ARHGAP26: variants seen among roughly 807,000 people sequenced by gnomAD.
The protein encoded by ARHGAP26 is rho GTPase-activating protein 26.
A neutral mutation model predicts 104.8 loss-of-function variants in ARHGAP26; 38 were observed. That is an observed-to-expected ratio of 0.36 (90% CI 0.28 to 0.48). ARHGAP26 has a LOEUF of 0.48. ARHGAP26 is among the 20% of genes least tolerant of loss of function. The pLI is 0.99. For missense variants in ARHGAP26, 704 were observed against 947.9 expected, an observed-to-expected ratio of 0.74 and a Z score of 3.38; for synonymous variants, 341 against 340.0, an observed-to-expected ratio of 1.00 and a Z score of -0.03.
At chr5:143,212,339 T>G (rs1809592214) in intron 21 of ARHGAP26, among the ~76,000 whole-genome samples, 1 of 141,082 alleles carries the variant, frequency 7.1e-6, no homozygotes, top group Non-Finnish European at 1.5e-5. Flanking sequence ...TCCTGTCTGC[T>G]TCCCAGCCTC....
intron 1 of ARHGAP26, among the ~76,000 whole-genome samples, chr5:142,870,184 C>A (rs553634356): frequency 6.6e-5 from 10 of 152,338 alleles, no homozygotes; most frequent in African/African-American, 2.2e-4. Context: ...ATGCACCCAG[C>A]ACCAGTGCCA....
At chr5:143,067,613 A>C (rs1787685810) in intron 17 of ARHGAP26, among the ~76,000 whole-genome samples, 1 of 152,102 alleles carries the variant, frequency 6.6e-6, no homozygotes, top group Non-Finnish European at 1.5e-5. Context: ...TCGTGTTTCC[A>C]ATTTGGTATT....
intron 17 of ARHGAP26, among the ~76,000 whole-genome samples, chr5:143,084,631 C>G (rs538220124): frequency 1.3e-5 from 2 of 152,354 alleles, no homozygotes; most frequent in Admixed American, 1.3e-4. Flanking sequence ...GACACTGCTT[C>G]CTCTCCAGCC....
Position 142,851,701 on chromosome 5 carries a change from A to C in ARHGAP26, c.155-21699A>C, listed in dbSNP as rs181117918. On this transcript the variant is annotated intron_variant, in intron 1 of 22. Transcript: ENST00000645722. ...GGCCGCCCCCTCCCTCCCGTTTTACACTGGTCTCACCACCCCTGCCCTTTC... is the reference window on the plus strand; with the variant it reads ...GGCCGCCCCCTCCCTCCCGTTTTACCCTGGTCTCACCACCCCTGCCCTTTC... 1.2e-3 allele frequency among the ~76,000 whole-genome samples: 185 copies of C among 152,192 alleles called. 1 individual carries two copies. The highest frequency in any genetic ancestry group is 4.3e-3 in the African/African-American group (178 of 41,512).
At chr5:142,989,475 A>G (rs1348875720) in intron 11 of ARHGAP26, among the ~76,000 whole-genome samples, 1 of 152,168 alleles carries the variant, frequency 6.6e-6, no homozygotes, top group Non-Finnish European at 1.5e-5. Flanking sequence ...GCCCATTTAC[A>G]TTTAAGGTTA....
At chr5:142,823,962 G>T (rs1202071442) in intron 1 of ARHGAP26, among the ~76,000 whole-genome samples, 1 of 152,156 alleles carries the variant, frequency 6.6e-6, no homozygotes, top group Non-Finnish European at 1.5e-5. Flanking sequence ...GTGGTTTATA[G>T]ACAAATAACA....
At chr5:142,902,995 A>G (rs1005665619) in intron 7 of ARHGAP26, among the ~76,000 whole-genome samples, 4 of 152,132 alleles carry the variant, frequency 2.6e-5, no homozygotes, top group Non-Finnish European at 4.4e-5. Context: ...AGCTGGGATG[A>G]TCCTTCAAAG....
intron 1 of ARHGAP26, among the ~76,000 whole-genome samples, chr5:142,856,290 C>T (rs547570751): frequency 1.6e-4 from 24 of 152,220 alleles, no homozygotes; most frequent in African/African-American, 5.3e-4. Flanking sequence ...AGGTGGCAGT[C>T]GGTTGGTTGT....
intron 6 of ARHGAP26, among the ~76,000 whole-genome samples, chr5:142,897,252 A>G (rs779168387): frequency 1.5e-4 from 23 of 152,234 alleles, no homozygotes; most frequent in Non-Finnish European, 2.9e-4. Context: ...TCATACAGTG[A>G]GAAACCTGGA....
chr5:143,022,368 T>C (rs749609999), intron 12 of ARHGAP26, among the ~76,000 whole-genome samples: 1 of 152,226 alleles, frequency 6.6e-6, no homozygotes, highest in Non-Finnish European at 1.5e-5. Flanking sequence ...CCACTGCGCC[T>C]GGCCAATCCC....
At chr5:143,004,344 A>G (rs970936876) in intron 11 of ARHGAP26, among the ~76,000 whole-genome samples, 7 of 152,182 alleles carry the variant, frequency 4.6e-5, no homozygotes, top group African/African-American at 1.7e-4. Flanking sequence ...CAAGTTTCCA[A>G]AGCCACAGCA....
At chr5:142,819,973 T>C (rs572769909) in intron 1 of ARHGAP26, among the ~76,000 whole-genome samples, 1 of 152,288 alleles carries the variant, frequency 6.6e-6, no homozygotes, top group East Asian at 1.9e-4. Flanking sequence ...AGACAACATT[T>C]TGGATTTACT....
At chr5:143,099,438 C>T (rs1465168520) in intron 17 of ARHGAP26, among the ~76,000 whole-genome samples, 1 of 152,114 alleles carries the variant, frequency 6.6e-6, no homozygotes, top group East Asian at 1.9e-4. Context: ...TGAGACCCTA[C>T]CTTAATCAGG....
intron 11 of ARHGAP26, among the ~76,000 whole-genome samples, chr5:142,989,725 G>A (rs985736576): frequency 6.6e-6 from 1 of 152,112 alleles, no homozygotes; most frequent in Non-Finnish European, 1.5e-5. Context: ...AGCTTAGTTT[G>A]GCTGGATATG....
intron 20 of ARHGAP26, among the ~76,000 whole-genome samples, chr5:143,183,073 CA>C (rs70991799): frequency 0.069 from 6,193 of 89,916 alleles, 440 homozygotes; most frequent in African/African-American, 0.22. Flanking sequence ...TGAAAAGTGG[CA>C]AAAAAAAAAA....
In ARHGAP26 at chr5:143,041,824, G is replaced by C; in HGVS notation, c.1219G>C (p.Glu407Gln). The change falls in exon 14 of 23, where the codon GAG becomes CAG. Residue 407 changes from glutamate to glutamine, a missense_variant. Physicochemically the swap from Glu to Gln is conservative, Grantham distance 29. Coordinates refer to ENST00000645722, the MANE Select transcript of ARHGAP26 (RefSeq NM_001135608.3). The stretch of plus-strand genomic sequence containing the variant: ...ACTGTTTCTTTCCTCAGGGATCAAC[G>C]AGCAAGGGCTGTATCGAATTGTGGG... ...IHAVETRGIN[E>Q]QGLYRIVGVN... The C allele has an allele frequency of 6.2e-7, 1 of 1,606,472 alleles. No homozygotes were observed. The highest frequency in any genetic ancestry group is 1.7e-4 in the Middle Eastern group (1 of 6,044).
chr5:142,885,166 A>T, intron 4 of ARHGAP26, 132 bp from the exon 5 acceptor site: 1 of 691,248 alleles, frequency 1.4e-6, no homozygotes, highest in Non-Finnish European at 2.5e-6. Flanking sequence ...GCAGGATTTA[A>T]TGGGCATTAC....
chr5:143,113,175 G>A (rs932974450), intron 17 of ARHGAP26, among the ~76,000 whole-genome samples: 3 of 152,204 alleles, frequency 2.0e-5, no homozygotes, highest in Admixed American at 1.3e-4. Flanking sequence ...ATACCTCTGC[G>A]TTAGATTGCA....
At chr5:142,809,524 G>A (rs1208580296) in intron 1 of ARHGAP26, among the ~76,000 whole-genome samples, 1 of 152,200 alleles carries the variant, frequency 6.6e-6, no homozygotes, top group Non-Finnish European at 1.5e-5. Context: ...GCTGCCCCAG[G>A]CAGTGAGTCC....
Sources: allele counts gnomAD v4.1 joint callset (sites outside exome capture counted in the v4.1 genomes callset), GRCh38; gene constraint gnomAD v4.1.1; transcripts MANE v1.5; gene names NCBI Gene and HGNC (gene_info 2026-07-23, HGNC 2026-07-21).